Variants in CSMD1 observed in about 807,000 individuals in gnomAD.
CSMD1 encodes CUB and Sushi multiple domains 1.
In CSMD1, 213 loss-of-function variants were observed where a neutral mutation model predicts 417.5. The ratio of observed to expected loss-of-function variants is 0.51; its 90% CI spans 0.46 to 0.57. The LOEUF (loss-of-function observed/expected upper bound fraction) is 0.57, where lower values mean the gene tolerates loss of function less well. CSMD1 is among the 20% of genes least tolerant of loss of function. The pLI is 0.00. For synonymous variants in CSMD1, 2,862 were observed against 1,736.8 expected (o/e 1.65, Z -16.11); for missense variants, 6,923 against 4,529.7 (o/e 1.53, Z -15.17).
intron 3 of CSMD1, among the ~76,000 whole-genome samples, chr8:4,371,173 G>A (rs761869996): frequency 4.6e-5 from 7 of 152,152 alleles, no homozygotes; most frequent in African/African-American, 1.4e-4. Context: ...CTTTATTTCT[G>A]GATACTTTAG....
At chr8:3,647,269 C>T (rs548041959) in intron 7 of CSMD1, among the ~76,000 whole-genome samples, 1 of 152,110 alleles carries the variant, frequency 6.6e-6, no homozygotes, top group Non-Finnish European at 1.5e-5. Flanking sequence ...TAAAAGGAGA[C>T]CAGGGTGGCA....
At chr8:4,070,709 G>A (rs972755238) in intron 3 of CSMD1, among the ~76,000 whole-genome samples, 1 of 152,012 alleles carries the variant, frequency 6.6e-6, no homozygotes, top group Non-Finnish European at 1.5e-5. Context: ...TTCACCACAG[G>A]TTGTTTCCAT....
At position 3,844,937 on chromosome 8, in the gene CSMD1, G is replaced by C. The variant is rs138207642; in HGVS notation, c.819-90895C>G. On this transcript the variant is annotated intron_variant, in intron 5 of 69. Coordinates refer to ENST00000635120, the MANE Select transcript of CSMD1 (RefSeq NM_033225.6). ...TTTAAAAACTGCCATCAGAATGCTT[G>C]ATTTTTATTTTAATGAATTAAGATT... 2.1e-3 allele frequency among the ~76,000 whole-genome samples: 327 copies of C among 152,226 alleles called. 2 individuals carry two copies. Among genetic ancestry groups the C allele is most frequent in the Non-Finnish European group, 3.1e-3 (209 of 68,008 alleles).
At chr8:3,532,756 G>C (rs1034646474) in intron 10 of CSMD1, among the ~76,000 whole-genome samples, 19 of 151,926 alleles carry the variant, frequency 1.3e-4, no homozygotes, top group African/African-American at 3.9e-4. Context: ...TCAATATATA[G>C]ACAACATAAT....
intron 1 of CSMD1, among the ~76,000 whole-genome samples, chr8:4,837,313 A>G (rs1029615772): frequency 6.6e-6 from 1 of 152,220 alleles, no homozygotes; most frequent in Admixed American, 6.5e-5. Flanking sequence ...TTGCTGCTGC[A>G]CTGTTTACAA....
chr8:4,527,965 T>C (rs985143226), intron 2 of CSMD1, among the ~76,000 whole-genome samples: 1 of 152,148 alleles, frequency 6.6e-6, no homozygotes, highest in Non-Finnish European at 1.5e-5. Context: ...CTGGATTGTA[T>C]TCAGTCTCTA....
chr8:3,566,869 G>C (rs115506621), intron 10 of CSMD1, among the ~76,000 whole-genome samples: 45 of 152,296 alleles, frequency 3.0e-4, no homozygotes, highest in African/African-American at 1.1e-3. Context: ...AGGCAGCGTG[G>C]TGATTCCTGA....
chr8:4,536,407 A>G (rs1206162464), intron 2 of CSMD1, among the ~76,000 whole-genome samples: 2 of 152,164 alleles, frequency 1.3e-5, no homozygotes, highest in South Asian at 2.1e-4. Context: ...AATCATATAT[A>G]TACATATAGG....
At chr8:4,881,338 T>C (rs1283393096) in intron 1 of CSMD1, among the ~76,000 whole-genome samples, 2 of 152,072 alleles carry the variant, frequency 1.3e-5, no homozygotes, top group Admixed American at 1.3e-4. Context: ...TAATAACTAA[T>C]ATACTATGGT....
chr8:3,106,838 T>C, intron 45 of CSMD1, 197 bp from the exon 46 acceptor site: 1 of 448,470 alleles, frequency 2.2e-6, no homozygotes, highest in East Asian at 3.5e-5. Context: ...CTATTAAGCT[T>C]AGCCGATATT....
In CSMD1 at chr8:4,334,768, T is replaced by C. The variant is rs573463742; in HGVS notation, c.415+85185A>G. 1.7e-3 allele frequency among the ~76,000 whole-genome samples: 253 copies of C among 152,300 alleles called. 1 individual carries two copies. Among genetic ancestry groups the C allele is most frequent in the Middle Eastern group, 3.4e-3 (1 of 294 alleles). ...CGCTCGACTCTACTGTGTAGTTGAA[T>C]GTAGGCATTTTAGTCTGTTTGGGCT... On this transcript the variant is annotated intron_variant, in intron 3 of 69. Coordinates refer to ENST00000635120, the MANE Select transcript of CSMD1 (RefSeq NM_033225.6).
intron 2 of CSMD1, among the ~76,000 whole-genome samples, chr8:4,457,863 C>T (rs934322757): frequency 1.3e-5 from 2 of 152,092 alleles, no homozygotes; most frequent in African/African-American, 2.4e-5. Flanking sequence ...TTGGCACCTC[C>T]CCTGGGACAG....
At chr8:4,051,182 G>T (rs1798405199) in intron 3 of CSMD1, among the ~76,000 whole-genome samples, 1 of 15,286 alleles carries the variant, frequency 6.5e-5, no homozygotes, top group African/African-American at 1.7e-4. Context: ...CACAATCCCT[G>T]CTGAGAATCT....
At chr8:4,507,321 A>G (rs1013303110) in intron 2 of CSMD1, among the ~76,000 whole-genome samples, 1 of 152,196 alleles carries the variant, frequency 6.6e-6, no homozygotes, top group Non-Finnish European at 1.5e-5. Context: ...TAAAAGAATA[A>G]TTGTTCAATT....
At chr8:4,010,719 T>G (rs1816477527) in intron 4 of CSMD1, among the ~76,000 whole-genome samples, 1 of 152,188 alleles carries the variant, frequency 6.6e-6, no homozygotes, top group African/African-American at 2.4e-5. Flanking sequence ...GTCCCTATCA[T>G]GTCCTCATCT....
intron 3 of CSMD1, among the ~76,000 whole-genome samples, chr8:4,146,567 T>C (rs1395136140): frequency 2.0e-5 from 3 of 147,346 alleles, no homozygotes; most frequent in African/African-American, 7.7e-5. Context: ...GCTCCATTAT[T>C]ATCTGTCTAA....
At chr8:4,827,604 T>A (rs1799910340) in intron 1 of CSMD1, among the ~76,000 whole-genome samples, 1 of 152,188 alleles carries the variant, frequency 6.6e-6, no homozygotes, top group African/African-American at 2.4e-5. Flanking sequence ...TTGAGGAGCT[T>A]GTGTCTCAGA....
At chr8:4,960,532 C>G (rs1213624938) in intron 1 of CSMD1, among the ~76,000 whole-genome samples, 1 of 152,084 alleles carries the variant, frequency 6.6e-6, no homozygotes, top group Admixed American at 6.6e-5. Context: ...TAAAGTTAAG[C>G]GCTTGTACAT....
chr8:3,973,185 C>T (rs1813200497), intron 5 of CSMD1, among the ~76,000 whole-genome samples: 1 of 152,150 alleles, frequency 6.6e-6, no homozygotes, highest in Non-Finnish European at 1.5e-5. Flanking sequence ...AAAACTGTTA[C>T]CTTAAATGGT....
Sources: gnomAD v4.1 joint callset for allele counts (sites outside exome capture counted in the v4.1 genomes callset) on GRCh38, gnomAD v4.1.1 for gene constraint, MANE v1.5 for transcripts, NCBI Gene and HGNC (gene_info 2026-07-23, HGNC 2026-07-21) for gene names.